Variants in NXPE2 observed in about 807,000 individuals in gnomAD.
NXPE2 encodes the protein neurexophilin and PC-esterase domain family member 2.
Under a neutral mutation model 34.4 loss-of-function variants are expected in NXPE2, and 34 were observed. That is an observed-to-expected ratio of 0.99 (90% CI 0.75 to 1.31). The LOEUF is 1.31. NXPE2 is among the 40% of genes most tolerant of loss of function. The pLI is 0.00. For synonymous variants in NXPE2, 235 were observed against 231.3 expected, an observed-to-expected ratio of 1.02 and a Z score of -0.15; for missense variants, 649 against 672.5, an observed-to-expected ratio of 0.97 and a Z score of 0.39.
the NXPE2 span, among the ~76,000 whole-genome samples, chr11:114,465,284 T>C: frequency 6.6e-6 from 1 of 152,170 alleles, no homozygotes; most frequent in Non-Finnish European, 1.5e-5. Flanking sequence ...ATCAGTAGAA[T>C]TCATAATTAA....
chr11:114,570,138 T>G, the NXPE2 span, among the ~76,000 whole-genome samples: 5 of 152,330 alleles, frequency 3.3e-5, no homozygotes, highest in East Asian at 9.6e-4. Context: ...AAAAGCCCTT[T>G]GTTTGGGGCT....
chr11:114,773,547 G>A, the NXPE2 span, among the ~76,000 whole-genome samples: 1 of 152,130 alleles, frequency 6.6e-6, no homozygotes, highest in African/African-American at 2.4e-5. Context: ...CTTTGGACTA[G>A]TTCTTTGTTC....
the NXPE2 span, among the ~76,000 whole-genome samples, chr11:114,519,035 C>T: frequency 6.6e-6 from 1 of 151,992 alleles, no homozygotes; most frequent in African/African-American, 2.4e-5. Context: ...CTTATAAGAC[C>T]ACAACCATTA....
chr11:114,654,396 G>A, the NXPE2 span, among the ~76,000 whole-genome samples: 1 of 151,952 alleles, frequency 6.6e-6, no homozygotes, highest in Non-Finnish European at 1.5e-5. Context: ...AGAATGTGCA[G>A]GTTTGTTACA....
chr11:114,712,317 C>T, the NXPE2 span, among the ~76,000 whole-genome samples: 1 of 152,136 alleles, frequency 6.6e-6, no homozygotes, highest in African/African-American at 2.4e-5. Flanking sequence ...TTAAAAACTT[C>T]TGCATAGCCA....
chr11:114,542,787 T>A, the NXPE2 span, among the ~76,000 whole-genome samples: 1 of 152,066 alleles, frequency 6.6e-6, no homozygotes, highest in African/African-American at 2.4e-5. Context: ...AAAATAAACA[T>A]AATCATTAGA....
the NXPE2 span, among the ~76,000 whole-genome samples, chr11:114,572,317 C>A: frequency 6.6e-6 from 1 of 152,106 alleles, no homozygotes; most frequent in Non-Finnish European, 1.5e-5. Context: ...GATTCTTTAA[C>A]TCCTGCAAAA....
intron 1 of NXPE2, among the ~76,000 whole-genome samples, 193 bp from the exon 2 acceptor site, chr11:114,679,464 T>A (rs1414515953): frequency 1.3e-5 from 2 of 152,036 alleles, no homozygotes; most frequent in Non-Finnish European, 2.9e-5. Context: ...CCAGGAGTCC[T>A]TCTAGGAGTT....
chr11:114,748,574 A>G, the NXPE2 span, among the ~76,000 whole-genome samples: 1 of 152,118 alleles, frequency 6.6e-6, no homozygotes, highest in East Asian at 1.9e-4. Context: ...GTTACTTTTT[A>G]CTGTGTTTTT....
chr11:114,520,227 G>GC, the NXPE2 span, among the ~76,000 whole-genome samples: 4 of 152,106 alleles, frequency 2.6e-5, no homozygotes, highest in African/African-American at 9.7e-5. Flanking sequence ...CAATAGAACT[G>GC]CAAGTTTGTA....
the NXPE2 span, chr11:114,523,136 G>A: frequency 7.3e-7 from 1 of 1,378,974 alleles, no homozygotes; most frequent in Non-Finnish European, 1.0e-6. Flanking sequence ...GCAAAACTTA[G>A]ACATCTAGCC....
intron 3 of NXPE2, among the ~76,000 whole-genome samples, chr11:114,700,087 C>A (rs959958075): frequency 1.3e-5 from 2 of 152,190 alleles, no homozygotes; most frequent in Non-Finnish European, 2.9e-5. Context: ...AGCCATCACG[C>A]CCAGCCCATT....
At chr11:114,523,014 A>T in the NXPE2 span, 1 of 1,613,520 alleles carries the variant, frequency 6.2e-7, no homozygotes, top group African/African-American at 1.3e-5. Context: ...GTTGTTATCC[A>T]TTTTCCTTGT....
At chr11:114,773,581 G>C in the NXPE2 span, among the ~76,000 whole-genome samples, 3 of 152,254 alleles carry the variant, frequency 2.0e-5, no homozygotes, top group Admixed American at 6.5e-5. Flanking sequence ...CCACTGGTAT[G>C]ATGGTTAATT....
chr11:114,805,488 C>G, the NXPE2 span, among the ~76,000 whole-genome samples: 7 of 152,218 alleles, frequency 4.6e-5, no homozygotes, highest in Non-Finnish European at 1.0e-4. Context: ...CACTCCTACC[C>G]TAATACTGAA....
the NXPE2 span, among the ~76,000 whole-genome samples, chr11:114,604,567 G>A: frequency 2.0e-5 from 3 of 151,966 alleles, no homozygotes; most frequent in South Asian, 2.1e-4. Context: ...CTGTTACCTG[G>A]TGGATGATAA....
At chr11:114,564,014 G>A in the NXPE2 span, among the ~76,000 whole-genome samples, 5 of 152,022 alleles carry the variant, frequency 3.3e-5, no homozygotes, top group East Asian at 9.6e-4. Flanking sequence ...ACATGTTTAT[G>A]GCAGCACAAT....
At chr11:114,594,592 C>G in the NXPE2 span, 1 of 949,712 alleles carries the variant, frequency 1.1e-6, no homozygotes, top group Non-Finnish European at 1.7e-6. Flanking sequence ...TGTAGTTTAG[C>G]CTTTCCTAGA....
chr11:114,684,266 A>G (rs970304299), intron 2 of NXPE2, among the ~76,000 whole-genome samples: 1 of 152,008 alleles, frequency 6.6e-6, no homozygotes, highest in Non-Finnish European at 1.5e-5. Flanking sequence ...TCACTACTAA[A>G]AATACAAAAA....
Sources: allele counts gnomAD v4.1 joint callset (sites outside exome capture counted in the v4.1 genomes callset), GRCh38; gene constraint gnomAD v4.1.1; transcripts MANE v1.5; gene names NCBI Gene and HGNC (gene_info 2026-07-23, HGNC 2026-07-21).